Variants in FGA observed in about 807,000 individuals in gnomAD.
FGA encodes fibrinogen, A alpha polypeptide.
A neutral mutation model predicts 20.3 loss-of-function variants in FGA; 20 were observed. The observed-to-expected ratio is 0.99, with a 90% CI of 0.69 to 1.43. The LOEUF is 1.43. FGA is among the 40% of genes most tolerant of loss of function. The pLI is 0.00. For synonymous variants in FGA, 306 were observed against 281.6 expected (o/e 1.09, Z -0.87); for missense variants, 777 against 784.7 (o/e 0.99, Z 0.12).
rs121909604 is a variant in FGA, at chr4:154,589,541, C to A, written c.76G>T (p.Asp26Tyr). ...TAWTADSGEG[D>Y]FLAEGGGVRG... ...ACGCCTCCTCCTTCAGCTAGAAAGT[C>A]ACCTTCACCACTATCTGCAGTCTTT... The change falls in exon 2 of 5, where the codon GAC becomes TAC. Residue 26 changes from aspartate to tyrosine, a missense_variant. By Grantham distance (160) the Asp-to-Tyr change is radical. Coordinates refer to ENST00000403106, the MANE Select transcript of FGA (RefSeq NM_021871.4). 1 of 1,613,682 alleles carries A rather than the reference C, an allele frequency of 6.2e-7. No homozygotes were observed. The highest frequency in any genetic ancestry group is 8.5e-7 in the Non-Finnish European group (1 of 1,179,992).
Position 154,588,710 on chromosome 4 carries a change from A to G in FGA, c.364+83T>C, listed in dbSNP as rs943105360. The G allele has an allele frequency of 1.3e-5, 13 of 1,006,558 alleles. No homozygotes were observed. The Admixed American group carries it at 1.7e-4, about 13-fold the overall frequency. 62.4% of individuals were successfully genotyped at this position (1,006,558 alleles called of 1,614,324 possible). A position where few individuals can be genotyped will look rare whatever the true frequency, so the allele number is the denominator to read the frequency against. On this transcript the variant is annotated intron_variant, in intron 3 of 4. Coordinates refer to ENST00000403106, the MANE Select transcript of FGA (RefSeq NM_021871.4). ...CTAAGTACTTTGGGATGAAATTGTC[A>G]TAGATATAAGCGGATATCATATTTA... is the stretch of plus-strand genomic sequence containing the variant.
Position 154,587,808 on chromosome 4 carries a change from A to AGAAAAAAG in FGA, c.365-152_365-151insCTTTTTTC, listed in dbSNP as rs1560826885. On this transcript the variant is annotated intron_variant, in intron 3 of 4. Transcript: ENST00000403106. Reference sequence around the variant, plus strand: ...GAAAGAAAGAAAGAAAGAAAGAGAAAAAAGAAAGAAAGAAACTAGCTTGTA... The same window carrying AGAAAAAAG: ...GAAAGAAAGAAAGAAAGAAAGAGAAAGAAAAAAGAAAGAAAGAAAGAAACTAGCTTGTA... The AGAAAAAAG allele has an allele frequency of 2.2e-5, 15 of 675,858 alleles. No individual in the cohort carries two copies. In the African/African-American group the frequency reaches 3.2e-4, roughly 14 times the overall value. The allele number at this position is 675,858 out of a possible 1,614,324, so 41.9% of individuals were successfully genotyped here. A position where few individuals can be genotyped will look rare whatever the true frequency, so the allele number is the denominator to read the frequency against.
downstream of FGA, chr4:154,584,833 T>C: frequency 6.2e-7 from 1 of 1,607,462 alleles, no homozygotes; most frequent in Non-Finnish European, 8.5e-7. Flanking sequence ...ATCATCACAG[T>C]CTAAAAAAAA....
rs375985958 is a variant in FGA at position 154,588,920 on chromosome 4, T to C, written c.237A>G (p.Gln79=). 3 of 1,613,534 alleles carry C rather than the reference T, an allele frequency of 1.9e-6. No homozygotes were observed. Among genetic ancestry groups the C allele is most frequent in the Non-Finnish European group, 2.5e-6 (3 of 1,179,690 alleles). Residue 79 remains glutamine (Q), a synonymous_variant, in exon 3 of 5, where the codon CAA becomes CAG. Coordinates refer to ENST00000403106, the MANE Select transcript of FGA (RefSeq NM_021871.4). The part of the protein sequence containing the change: ...RMKGLIDEVN[Q]DFTNRINKLK... ...GCTTATTTATTCTGTTTGTAAAATC[T>C]TGATTGACTTCATCAATCAACCCTT...
chr4:154,583,295 C>T (rs1246999306), downstream of FGA: 1 of 152,112 alleles, frequency 6.6e-6, no homozygotes, highest in Non-Finnish European at 1.5e-5. Context: ...ATAGATCATA[C>T]TTAGTGAGAG....
At chr4:154,584,687 C>A, downstream of FGA, 4 of 1,614,114 alleles carry the variant, frequency 2.5e-6, no homozygotes, top group South Asian at 4.4e-5. Flanking sequence ...AGTGATCCAT[C>A]CATTCTTTGC....
downstream of FGA, chr4:154,584,319 G>A: frequency 6.2e-7 from 1 of 1,614,100 alleles, no homozygotes; most frequent in Non-Finnish European, 8.5e-7. Context: ...CTCCCCCATA[G>A]ACTTCTGCAC....
rs761816130 is a variant in FGA at position 154,585,786 on chromosome 4, C to T, written c.1643G>A (p.Gly548Asp). The T allele has an allele frequency of 1.2e-6, 2 of 1,614,138 alleles. No individual in the cohort carries two copies. The highest frequency in any genetic ancestry group is 2.2e-5 in the East Asian group (1 of 44,882). ...GEFVSETESRGSESGIFTNTK... is the reference protein window; with the variant it reads ...GEFVSETESRDSESGIFTNTK... ...ATTTGTGAAGATGCCAGATTCTGAG[C>T]CCCTAGACTCAGTCTCACTGACAAA... Residue 548 changes from glycine to aspartate, a missense_variant, in exon 5 of 5, where the codon GGC becomes GAC. Gly to Asp is a moderately conservative substitution (Grantham distance 94). Transcript: ENST00000403106.
chr4:154,586,898 G>C lies in FGA; in HGVS notation c.531C>G (p.Ile177Met), dbSNP rs1730741997. 6.2e-7 allele frequency: 1 copy of C among 1,613,824 alleles called. No homozygotes were observed. The highest frequency in any genetic ancestry group is 1.7e-5 in the Admixed American group (1 of 60,012). The change falls in exon 5 of 5, where the codon ATC becomes ATG. Residue 177 changes from isoleucine (I) to methionine (M), a missense_variant. Transcript: ENST00000403106. ...KRLEVDIDIK[I>M]RSCRGSCSRA... ...TACTGCATGACCCTCGACAAGATCG[G>C]ATCTTAATATCAATGTCCACCTAGA...
In FGA at chr4:154,585,802, C is replaced by T; in HGVS notation, c.1627G>A (p.Glu543Lys). 1.2e-6 allele frequency: 2 copies of T among 1,614,198 alleles called. No individual in the cohort carries two copies. Among genetic ancestry groups the T allele is most frequent in the Non-Finnish European group, 1.7e-6 (2 of 1,180,038 alleles). ...FSPMLGEFVSETESRGSESGI... is the reference protein window; with the variant it reads ...FSPMLGEFVSKTESRGSESGI... ...GATTCTGAGCCCCTAGACTCAGTCT[C>T]ACTGACAAACTCTCCTAACATAGGT... is the stretch of plus-strand genomic sequence containing the variant. Residue 543 changes from glutamate to lysine, a missense_variant, in exon 5 of 5, where the codon GAG (glutamate) becomes AAG (lysine). Physicochemically the swap from Glu to Lys is moderately conservative, Grantham distance 56. Transcript: ENST00000403106.
intron 3 of FGA, among the ~76,000 whole-genome samples, chr4:154,587,960 A>C (rs1294810138): frequency 6.6e-6 from 1 of 152,210 alleles, no homozygotes; most frequent in Non-Finnish European, 1.5e-5. Context: ...CCTAATAGCA[A>C]TTAGTAATCC....
chr4:154,590,468 C>T (rs1484452280), intron 1 of FGA, among the ~76,000 whole-genome samples, 166 bp downstream of exon 1: 1 of 152,064 alleles, frequency 6.6e-6, no homozygotes, highest in African/African-American at 2.4e-5. Context: ...GTCATATTAC[C>T]CTGTATTCTT....
At position 154,585,910 on chromosome 4, in the gene FGA, C is replaced by G. The variant is rs11553775; in HGVS notation, c.1519G>C (p.Asp507His). ...LGTLSGIGTL[D>H]GFRHRHPDEA... Reference sequence around the variant, plus strand: ...TCAGGGTGCCTATGGCGGAACCCATCCAGAGTACCTATGCCAGACAATGTG... The same window carrying G: ...TCAGGGTGCCTATGGCGGAACCCATGCAGAGTACCTATGCCAGACAATGTG... The change falls in exon 5 of 5, where the codon GAT becomes CAT. Residue 507 changes from aspartate (D) to histidine (H), a missense_variant. Asp to His is a moderately conservative substitution (Grantham distance 81). Coordinates refer to ENST00000403106, the MANE Select transcript of FGA (RefSeq NM_021871.4). 23 of 1,613,998 alleles carry G rather than the reference C, an allele frequency of 1.4e-5. No individual in the cohort carries two copies. Among genetic ancestry groups the G allele is most frequent in the Non-Finnish European group, 1.9e-5 (22 of 1,179,906 alleles).
At chr4:154,583,923 TA>T (rs1730643331), downstream of FGA, 2 of 592,094 alleles carry the variant, frequency 3.4e-6, no homozygotes, top group Admixed American at 5.9e-5. Context: ...CAGAGCTATT[TA>T]AAGATAAAAA....
chr4:154,583,451 G>C (rs1730634140), downstream of FGA: 1 of 151,968 alleles, frequency 6.6e-6, no homozygotes, highest in Non-Finnish European at 1.5e-5. Context: ...TTCATAAATA[G>C]TTTTAAAATT....
chr4:154,584,797 G>A, downstream of FGA: 2 of 1,613,812 alleles, frequency 1.2e-6, no homozygotes, highest in Non-Finnish European at 1.7e-6. Context: ...GCCACTTTGG[G>A]TACCTGAAGG....
In FGA at chr4:154,586,786, A is replaced by C. The variant is rs1294715635; in HGVS notation, c.643T>G (p.Ser215Ala). Residue 215 changes from serine to alanine, a missense_variant, in exon 5 of 5, where the codon TCT (serine) becomes GCT (alanine). By Grantham distance (99) the Ser-to-Ala change is moderately conservative. Transcript: ENST00000403106. The stretch of plus-strand genomic sequence containing the variant: ...AGTGGTAAGTGTTGCCTATCTCTAG[A>C]GGGAAGTAAGTCTTTGGCAATGACC... The part of the protein sequence containing the change: ...EQVIAKDLLP[S>A]RDRQHLPLIK... The C allele has an allele frequency of 1.2e-6, 2 of 1,614,044 alleles. No individual in the cohort carries two copies. Among genetic ancestry groups the C allele is most frequent in the Non-Finnish European group, 1.7e-6 (2 of 1,180,026 alleles).
chr4:154,586,195 T>G lies in FGA; in HGVS notation c.1234A>C (p.Thr412Pro). Residue 412 changes from threonine (T) to proline (P), a missense_variant, in exon 5 of 5, where the codon ACA (threonine) becomes CCA (proline). Coordinates refer to ENST00000403106, the MANE Select transcript of FGA (RefSeq NM_021871.4). ...NARPNNPDWG[T>P]FEEVSGNVSP... Reference sequence around the variant, plus strand: ...ACATTTCCTGACACCTCTTCAAATGTGCCCCAGTCTGGGTTGTTAGGCCTC... The same window carrying G: ...ACATTTCCTGACACCTCTTCAAATGGGCCCCAGTCTGGGTTGTTAGGCCTC... 3 of 1,614,166 alleles carry G rather than the reference T, an allele frequency of 1.9e-6. No homozygotes were observed. Among genetic ancestry groups the G allele is most frequent in the Middle Eastern group, 1.7e-4 (1 of 6,058 alleles).
intron 2 of FGA, among the ~76,000 whole-genome samples, 185 bp from the exon 3 acceptor site, chr4:154,589,161 A>G (rs1355846255): frequency 6.6e-6 from 1 of 152,158 alleles, no homozygotes; most frequent in Non-Finnish European, 1.5e-5. Context: ...ACTTAGCCAT[A>G]AATTAGGTGC....
Sources: gnomAD v4.1 joint callset for allele counts (sites outside exome capture counted in the v4.1 genomes callset) on GRCh38, gnomAD v4.1.1 for gene constraint, MANE v1.5 for transcripts, NCBI Gene and HGNC (gene_info 2026-07-23, HGNC 2026-07-21) for gene names.